Variants in ERGIC2 observed in about 807,000 individuals in gnomAD.
ERGIC2 encodes the protein ERGIC and golgi 2, also known as endoplasmic reticulum-Golgi intermediate compartment protein 2.
ERGIC2 carries 31 observed loss-of-function variants against 52.5 expected under a neutral mutation model. The ratio of observed to expected loss-of-function variants is 0.59; its 90% CI spans 0.44 to 0.80. ERGIC2 has a LOEUF of 0.80. Among genes scored for constraint, ERGIC2 ranks in the 30% least tolerant of loss-of-function variants. ERGIC2 has a pLI of 0.00. For missense variants in ERGIC2, 395 were observed against 455.2 expected (o/e 0.87, Z 1.20); for synonymous variants, 129 against 140.6 (o/e 0.92, Z 0.58).
At chr12:29,364,127 C>T (rs915866323) in intron 5 of ERGIC2, among the ~76,000 whole-genome samples, 2 of 151,872 alleles carry the variant, frequency 1.3e-5, no homozygotes, top group African/African-American at 4.8e-5. Flanking sequence ...TAGAAAAACC[C>T]ATGTGAAAGG....
chr12:29,377,194 T>G (rs1940526723), intron 1 of ERGIC2, among the ~76,000 whole-genome samples: 1 of 152,184 alleles, frequency 6.6e-6, no homozygotes, highest in Non-Finnish European at 1.5e-5. Flanking sequence ...CAATCTCCAG[T>G]ACTATGTCTG....
intron 1 of ERGIC2, among the ~76,000 whole-genome samples, chr12:29,379,550 T>C (rs1204342903): frequency 6.6e-6 from 1 of 152,204 alleles, no homozygotes; most frequent in East Asian, 1.9e-4. Flanking sequence ...AAGGCAACAT[T>C]TGTAACTACA....
intron 10 of ERGIC2, among the ~76,000 whole-genome samples, chr12:29,346,252 A>C (rs1486281903): frequency 6.6e-6 from 1 of 151,250 alleles, no homozygotes; most frequent in East Asian, 2.0e-4. Context: ...GCAGTGGCGC[A>C]ATCACGGCTC....
In ERGIC2 at chr12:29,367,938, A is replaced by G. The variant is rs550071824; in HGVS notation, c.262+303T>C. On this transcript the variant is annotated intron_variant, in intron 4 of 13. Transcript: ENST00000360150. ...CTTGTGAAACATGGGTATAAAAGCT[A>G]GTACTCCAAACAAAAAAAGACAGAA... Among the ~76,000 whole-genome samples, 18 of 151,990 alleles carry G rather than the reference A, an allele frequency of 1.2e-4. No individual in the cohort carries two copies. In the South Asian group the frequency reaches 3.5e-3, roughly 30 times the overall value.
chr12:29,369,594 T>C (rs1940411000), intron 3 of ERGIC2, among the ~76,000 whole-genome samples: 1 of 152,030 alleles, frequency 6.6e-6, no homozygotes, highest in African/African-American at 2.4e-5. Context: ...ATCTTAATAT[T>C]ATAAACCTAT....
chr12:29,375,531 CAT>C (rs1253315429), intron 1 of ERGIC2, among the ~76,000 whole-genome samples: 3 of 152,144 alleles, frequency 2.0e-5, no homozygotes, highest in African/African-American at 7.2e-5. Flanking sequence ...GTGGCCATCA[CAT>C]AGTCAGTATA....
At chr12:29,347,991 G>A (rs964257541) in intron 10 of ERGIC2, among the ~76,000 whole-genome samples, 2 of 152,092 alleles carry the variant, frequency 1.3e-5, no homozygotes, top group Admixed American at 6.5e-5. Context: ...ACAAAGCATC[G>A]ACCAGTATGT....
At chr12:29,357,199 A>C (rs1381427091) in intron 7 of ERGIC2, among the ~76,000 whole-genome samples, 2 of 152,010 alleles carry the variant, frequency 1.3e-5, no homozygotes, top group African/African-American at 4.8e-5. Context: ...CGAACTCCTG[A>C]CCTCAAATGA....
intron 7 of ERGIC2, among the ~76,000 whole-genome samples, chr12:29,357,089 C>T (rs1220657127): frequency 6.6e-6 from 1 of 151,902 alleles, no homozygotes; most frequent in Non-Finnish European, 1.5e-5. Context: ...GCCTCAGCCT[C>T]CCAAGTAGCT....
chr12:29,358,224 T>A (rs1350718547), intron 6 of ERGIC2, among the ~76,000 whole-genome samples: 1 of 152,246 alleles, frequency 6.6e-6, no homozygotes, highest in Non-Finnish European at 1.5e-5. Context: ...ACTTCTACCA[T>A]TGAGCCATGT....
intron 1 of ERGIC2, among the ~76,000 whole-genome samples, chr12:29,374,801 T>C (rs1389037483): frequency 6.6e-6 from 1 of 152,174 alleles, no homozygotes; most frequent in Non-Finnish European, 1.5e-5. Flanking sequence ...ACTGCCACAA[T>C]CTATCACTAC....
chr12:29,366,821 C>A, intron 5 of ERGIC2, 56 bp downstream of exon 5: 1 of 1,037,166 alleles, frequency 9.6e-7, no homozygotes, highest in Non-Finnish European at 1.5e-6. Context: ...TATCTGTCTT[C>A]AAGCGTACGA....
Position 29,351,148 on chromosome 12 carries a change from C to CA in ERGIC2, c.573-1081dup, listed in dbSNP as rs200644077. Among the ~76,000 whole-genome samples the CA allele has an allele frequency of 1.1e-3, 158 of 150,070 alleles. 1 individual carries two copies. Among genetic ancestry groups the CA allele is most frequent in the Admixed American group, 5.7e-3 (86 of 15,064 alleles). ...TGGAATATTCAGTTTTTATATCTGA[C>CA]AAAAAAAAACCATGGAAATGTCAAT... On this transcript the variant is annotated intron_variant, in intron 8 of 13. Coordinates refer to ENST00000360150, the MANE Select transcript of ERGIC2 (RefSeq NM_016570.3).
intron 5 of ERGIC2, among the ~76,000 whole-genome samples, chr12:29,361,979 G>C (rs1940292653): frequency 1.3e-5 from 2 of 152,126 alleles, no homozygotes; most frequent in Non-Finnish European, 2.9e-5. Flanking sequence ...GGTATCCTAG[G>C]GCTTAAAATC....
At chr12:29,372,319 G>T (rs1940452170) in intron 1 of ERGIC2, 1 of 151,620 alleles carries the variant, frequency 6.6e-6, no homozygotes, top group African/African-American at 2.4e-5. Context: ...CTGCAGTCTG[G>T]GTTACAGAGT....
chr12:29,352,687 TAAAC>T (rs1940149291), intron 8 of ERGIC2, among the ~76,000 whole-genome samples: 1 of 151,830 alleles, frequency 6.6e-6, no homozygotes, highest in African/African-American at 2.4e-5. Flanking sequence ...AACAAATAAA[TAAAC>T]AAAATTTAAA....
At chr12:29,363,999 C>T (rs1028570446) in intron 5 of ERGIC2, among the ~76,000 whole-genome samples, 1 of 152,068 alleles carries the variant, frequency 6.6e-6, no homozygotes, top group Non-Finnish European at 1.5e-5. Context: ...CCTTTATTAT[C>T]ATCTTAAATC....
intron 8 of ERGIC2, 97 bp downstream of exon 8, chr12:29,356,285 A>T (rs1177248580): frequency 1.4e-6 from 1 of 692,776 alleles, no homozygotes; most frequent in African/African-American, 1.8e-5. Flanking sequence ...AGCCTCCCAA[A>T]GTGCTGGGAT....
intron 4 of ERGIC2, among the ~76,000 whole-genome samples, chr12:29,367,862 G>C (rs967677088): frequency 6.6e-6 from 1 of 151,678 alleles, no homozygotes; most frequent in Non-Finnish European, 1.5e-5. Flanking sequence ...ATTTTTAAAC[G>C]CAAGAGTAAA....
Sources: gnomAD v4.1 joint callset for allele counts (sites outside exome capture counted in the v4.1 genomes callset) on GRCh38, gnomAD v4.1.1 for gene constraint, MANE v1.5 for transcripts, NCBI Gene and HGNC (gene_info 2026-07-23, HGNC 2026-07-21) for gene names.